Variants in PALM2AKAP2 observed in about 807,000 individuals in gnomAD.
PALM2AKAP2 encodes PALM2 and AKAP2 fusion, also known as PALM2-AKAP2 fusion protein.
In PALM2AKAP2, 37 loss-of-function variants were observed where a neutral mutation model predicts 71.5. The ratio of observed to expected loss-of-function variants is 0.52; its 90% CI spans 0.40 to 0.68. The LOEUF (loss-of-function observed/expected upper bound fraction) is 0.68, where lower values mean the gene tolerates loss of function less well. Among genes scored for constraint, PALM2AKAP2 ranks in the 30% least tolerant of loss-of-function variants. The probability of loss-of-function intolerance (pLI) is 0.00; values close to 1 mark genes in which losing one functional copy is unlikely to be tolerated. For missense variants in PALM2AKAP2, 1,224 were observed against 1,191.8 expected, an observed-to-expected ratio of 1.03 and a Z score of -0.40; for synonymous variants, 468 against 478.8, an observed-to-expected ratio of 0.98 and a Z score of 0.29.
intron 1 of PALM2AKAP2, among the ~76,000 whole-genome samples, chr9:109,704,936 G>C (rs1166502528): frequency 6.6e-6 from 1 of 152,180 alleles, no homozygotes; most frequent in Non-Finnish European, 1.5e-5. Context: ...GAGAACATGT[G>C]TGAGAACGTA....
chr9:110,039,085 C>T (rs1225361949), intron 7 of PALM2AKAP2, among the ~76,000 whole-genome samples: 1 of 151,822 alleles, frequency 6.6e-6, no homozygotes, highest in Non-Finnish European at 1.5e-5. Flanking sequence ...CTTGTCTCTA[C>T]AAAAGATACA....
chr9:110,137,940 A>G (rs772943520), exon 2 of PALM2AKAP2: 4 of 1,614,076 alleles, frequency 2.5e-6, no homozygotes, highest in Non-Finnish European at 3.4e-6. Flanking sequence ...CCCTTGGAGT[A>G]TCAGGCTGGC....
chr9:109,842,965 A>AC (rs1327526565), intron 1 of PALM2AKAP2, among the ~76,000 whole-genome samples: 2 of 151,652 alleles, frequency 1.3e-5, no homozygotes, highest in Non-Finnish European at 2.9e-5. Context: ...ACGTGGAGAA[A>AC]CCCCATCTCT....
intron 1 of PALM2AKAP2, among the ~76,000 whole-genome samples, chr9:110,078,487 T>C (rs1834372946): frequency 6.6e-6 from 1 of 152,270 alleles, no homozygotes; most frequent in Non-Finnish European, 1.5e-5. Context: ...TTTTAAGTTT[T>C]GTTTTTGTTT....
At chr9:109,655,558 T>A (rs545960571) in intron 1 of PALM2AKAP2, among the ~76,000 whole-genome samples, 25 of 152,124 alleles carry the variant, frequency 1.6e-4, no homozygotes, top group South Asian at 6.2e-4. Flanking sequence ...TTTTTCATCA[T>A]CCCAGACTGA....
intron 1 of PALM2AKAP2, among the ~76,000 whole-genome samples, chr9:109,713,831 G>A (rs763202002): frequency 6.6e-6 from 1 of 152,084 alleles, no homozygotes; most frequent in Non-Finnish European, 1.5e-5. Context: ...TGTAATGGTG[G>A]ATATTTTTAC....
chr9:109,991,761 T>C (rs982205762), intron 6 of PALM2AKAP2, among the ~76,000 whole-genome samples: 8 of 152,122 alleles, frequency 5.3e-5, no homozygotes, highest in Non-Finnish European at 8.8e-5. Context: ...ACATCAGGCT[T>C]TAAATGACAC....
At chr9:109,996,578 C>T (rs887478400) in intron 6 of PALM2AKAP2, among the ~76,000 whole-genome samples, 2 of 152,226 alleles carry the variant, frequency 1.3e-5, no homozygotes, top group Non-Finnish European at 2.9e-5. Context: ...TTGGAGTCTG[C>T]TTCCTTCTTC....
At chr9:109,960,047 C>A (rs943202730) in intron 6 of PALM2AKAP2, among the ~76,000 whole-genome samples, 12 of 152,150 alleles carry the variant, frequency 7.9e-5, no homozygotes, top group Admixed American at 6.5e-4. Flanking sequence ...TCTCCATCAC[C>A]CCCCTCCGCG....
chr9:109,653,124 A>G (rs186921549), intron 1 of PALM2AKAP2, among the ~76,000 whole-genome samples: 2 of 152,322 alleles, frequency 1.3e-5, no homozygotes, highest in African/African-American at 2.4e-5. Context: ...CACTATGACT[A>G]ATGCTGCCTC....
rs148219569 is a variant in PALM2AKAP2 at position 109,913,515 on chromosome 9, C to T, written c.258-10220C>T. On this transcript the variant is annotated intron_variant, in intron 3 of 9. Coordinates refer to the PALM2AKAP2 transcript ENST00000302798. ...AGTTCCAGCCAACCCCATTTACAGG[C>T]GTTGATTAGCAGTAATGAATTCACA... Among the ~76,000 whole-genome samples, 1,305 of 152,208 alleles carry T rather than the reference C, an allele frequency of 8.6e-3. 15 individuals carry two copies. The highest frequency in any genetic ancestry group is 0.02 in the Middle Eastern group (6 of 294).
chr9:110,133,711 G>A (rs551151813), intron 1 of PALM2AKAP2, among the ~76,000 whole-genome samples: 2 of 152,048 alleles, frequency 1.3e-5, no homozygotes, highest in African/African-American at 2.4e-5. Flanking sequence ...GAGCTCTGTT[G>A]TTCCCATGCA....
intron 3 of PALM2AKAP2, among the ~76,000 whole-genome samples, chr9:109,897,335 A>G (rs1830224988): frequency 6.6e-6 from 1 of 152,092 alleles, no homozygotes; most frequent in African/African-American, 2.4e-5. Flanking sequence ...TAATACCAGC[A>G]CTTTGGGAGG....
At chr9:109,785,715 C>T (rs761723167) in intron 1 of PALM2AKAP2, among the ~76,000 whole-genome samples, 1 of 152,118 alleles carries the variant, frequency 6.6e-6, no homozygotes. Context: ...GACATGTCCC[C>T]GTGATTCAAT....
chr9:109,686,740 A>G (rs1827810732), intron 1 of PALM2AKAP2, among the ~76,000 whole-genome samples: 1 of 151,882 alleles, frequency 6.6e-6, no homozygotes, highest in South Asian at 2.1e-4. Flanking sequence ...GGTTTGTTAC[A>G]TATGTATACA....
intron 6 of PALM2AKAP2, among the ~76,000 whole-genome samples, chr9:110,003,600 T>G (rs1832722166): frequency 6.6e-6 from 1 of 152,134 alleles, no homozygotes; most frequent in Non-Finnish European, 1.5e-5. Flanking sequence ...ACTTTCTGTC[T>G]CGTTGATCTG....
At chr9:109,974,190 G>A (rs946099392) in intron 6 of PALM2AKAP2, among the ~76,000 whole-genome samples, 5 of 152,222 alleles carry the variant, frequency 3.3e-5, no homozygotes, top group African/African-American at 1.2e-4. Flanking sequence ...GGAGGACTGG[G>A]TCACATGGCT....
intron 6 of PALM2AKAP2, among the ~76,000 whole-genome samples, chr9:109,998,788 G>T (rs1412610887): frequency 1.4e-5 from 2 of 147,346 alleles, no homozygotes; most frequent in African/African-American, 5.3e-5. Context: ...AAAAAGGGGG[G>T]ATAGTCCATT....
At chr9:109,780,833 A>T (rs776115725) in intron 1 of PALM2AKAP2, among the ~76,000 whole-genome samples, 16 of 152,148 alleles carry the variant, frequency 1.1e-4, no homozygotes, top group Non-Finnish European at 2.1e-4. Flanking sequence ...CGACTCCAGG[A>T]ATATTATGAC....
Sources: gnomAD v4.1 joint callset for allele counts (sites outside exome capture counted in the v4.1 genomes callset) on GRCh38, gnomAD v4.1.1 for gene constraint, MANE v1.5 for transcripts, NCBI Gene and HGNC (gene_info 2026-07-23, HGNC 2026-07-21) for gene names.